Variants in MAGI1 observed in about 807,000 individuals in gnomAD.
MAGI1 encodes membrane-associated guanylate kinase, WW and PDZ domain-containing protein 1.
Under a neutral mutation model 139.9 loss-of-function variants are expected in MAGI1, and 58 were observed. The observed-to-expected ratio is 0.41, with a 90% confidence interval of 0.34 to 0.52. The LOEUF is 0.52. MAGI1 is among the 20% of genes least tolerant of loss of function. The pLI is 0.12. For missense variants in MAGI1, 1,874 were observed against 1,901.6 expected (o/e 0.99, Z 0.27); for synonymous variants, 812 against 737.9 (o/e 1.10, Z -1.63).
rs1952210839 is a variant in MAGI1 at position 65,493,555 on chromosome 3, G to A, written c.507C>T (p.Asp169=). The A allele has an allele frequency of 6.2e-7, 1 of 1,614,108 alleles. No individual in the cohort carries two copies. The highest frequency in any genetic ancestry group is 8.5e-7 in the Non-Finnish European group (1 of 1,180,028). ...CCAGAAGAGTCCCACTCTGCTCGAG[G>A]TCCAAGAACTCCTTCACAGTCAGAA... The part of the protein sequence containing the change: ...YNFLTVKEFL[D]LEQSGTLLEV... The change falls in exon 3 of 23, where the codon GAC becomes GAT. Residue 169 remains aspartate (D), a synonymous_variant. Coordinates refer to ENST00000402939, the MANE Select transcript of MAGI1 (RefSeq NM_001033057.2).
At chr3:65,748,705 C>T (rs1444402379) in intron 1 of MAGI1, among the ~76,000 whole-genome samples, 1 of 152,152 alleles carries the variant, frequency 6.6e-6, no homozygotes, top group East Asian at 1.9e-4. Context: ...CAGCTTGACA[C>T]ATGTAATAAG....
intron 1 of MAGI1, among the ~76,000 whole-genome samples, chr3:65,819,516 C>T (rs969868582): frequency 6.6e-6 from 1 of 151,980 alleles, no homozygotes; most frequent in African/African-American, 2.4e-5. Flanking sequence ...ACCAAGTTAA[C>T]TCATTTATTT....
At chr3:65,853,053 G>A (rs1366995201) in intron 1 of MAGI1, among the ~76,000 whole-genome samples, 6 of 152,116 alleles carry the variant, frequency 3.9e-5, no homozygotes, top group African/African-American at 1.2e-4. Flanking sequence ...GGAGGCTGAG[G>A]CAGGGAAATC....
intron 1 of MAGI1, among the ~76,000 whole-genome samples, chr3:65,984,681 A>G (rs979403439): frequency 2.1e-5 from 3 of 145,018 alleles, no homozygotes; most frequent in Admixed American, 7.2e-5. Flanking sequence ...GACCACAGGC[A>G]TGCACCACCA....
At chr3:65,701,367 T>C (rs763572811) in intron 1 of MAGI1, among the ~76,000 whole-genome samples, 29 of 152,112 alleles carry the variant, frequency 1.9e-4, no homozygotes, top group Non-Finnish European at 3.8e-4. Context: ...ATTCTCCTGT[T>C]TCAGCCTCCC....
At chr3:65,685,413 A>G (rs73832906) in intron 1 of MAGI1, among the ~76,000 whole-genome samples, 1,697 of 152,076 alleles carry the variant, frequency 0.011, 33 homozygotes, top group African/African-American at 0.038. Context: ...TTTTCCTCAA[A>G]TTTTAAACTT....
chr3:65,921,800 G>T (rs547475162), intron 1 of MAGI1, among the ~76,000 whole-genome samples: 2 of 151,988 alleles, frequency 1.3e-5, no homozygotes, highest in South Asian at 4.2e-4. Context: ...GAACACAGAA[G>T]AAAATCAGGA....
intron 10 of MAGI1, among the ~76,000 whole-genome samples, chr3:65,433,622 C>T (rs1947621660): frequency 6.6e-6 from 1 of 152,106 alleles, no homozygotes; most frequent in African/African-American, 2.4e-5. Flanking sequence ...TTACCAGTCA[C>T]CAGCGGTAAG....
At chr3:65,541,511 G>A (rs983801899) in intron 2 of MAGI1, among the ~76,000 whole-genome samples, 6 of 152,030 alleles carry the variant, frequency 3.9e-5, no homozygotes, top group Admixed American at 2.6e-4. Context: ...ACATTGATGC[G>A]AAATCCTCAA....
intron 18 of MAGI1, among the ~76,000 whole-genome samples, chr3:65,368,320 C>T (rs1200159525): frequency 6.6e-6 from 1 of 152,162 alleles, no homozygotes; most frequent in Non-Finnish European, 1.5e-5. Context: ...ACCCAACATC[C>T]TTTATTAAAC....
chr3:65,838,016 A>G (rs899551489), intron 1 of MAGI1, among the ~76,000 whole-genome samples: 5 of 152,244 alleles, frequency 3.3e-5, no homozygotes, highest in African/African-American at 1.2e-4. Context: ...ACATAACCGT[A>G]GTACAACTTC....
chr3:65,662,450 G>A (rs569365103), intron 1 of MAGI1, among the ~76,000 whole-genome samples: 15 of 152,356 alleles, frequency 9.8e-5, no homozygotes, highest in South Asian at 2.1e-4. Context: ...TGGACAATAT[G>A]CAACCAAATG....
intron 1 of MAGI1, among the ~76,000 whole-genome samples, chr3:65,988,121 T>A (rs918745950): frequency 6.6e-6 from 1 of 152,166 alleles, no homozygotes; most frequent in Non-Finnish European, 1.5e-5. Context: ...TATTTGGGGC[T>A]CAAGACATTC....
chr3:66,034,999 G>A (rs1260886157), intron 1 of MAGI1, among the ~76,000 whole-genome samples: 3 of 152,076 alleles, frequency 2.0e-5, no homozygotes, highest in Admixed American at 6.6e-5. Flanking sequence ...TGCATACATC[G>A]CTTAAAACTC....
intron 4 of MAGI1, among the ~76,000 whole-genome samples, chr3:65,476,478 C>G (rs1219086629): frequency 6.6e-6 from 1 of 152,126 alleles, no homozygotes; most frequent in African/African-American, 2.4e-5. Context: ...TTTATGAGGT[C>G]AGATTTTCTG....
At chr3:65,754,452 CTG>C (rs2036402272) in intron 1 of MAGI1, among the ~76,000 whole-genome samples, 1 of 152,192 alleles carries the variant, frequency 6.6e-6, no homozygotes, top group African/African-American at 2.4e-5. Flanking sequence ...CCCCAGATTT[CTG>C]TGTGTAATAT....
chr3:65,383,466 C>G, intron 15 of MAGI1, 66 bp downstream of exon 15: 1 of 1,182,400 alleles, frequency 8.5e-7, no homozygotes, highest in Non-Finnish European at 1.3e-6. Flanking sequence ...TGATTTGTCA[C>G]TGTCGCCAAT....
At chr3:65,798,370 C>T (rs532799069) in intron 1 of MAGI1, among the ~76,000 whole-genome samples, 3 of 152,118 alleles carry the variant, frequency 2.0e-5, no homozygotes, top group Non-Finnish European at 4.4e-5. Context: ...GACAACCCCT[C>T]GCCCATTCCA....
intron 2 of MAGI1, among the ~76,000 whole-genome samples, chr3:65,563,442 G>A (rs188150430): frequency 1.3e-5 from 2 of 152,232 alleles, no homozygotes; most frequent in Non-Finnish European, 2.9e-5. Context: ...AGAAATGATG[G>A]AATGTGATTC....
Sources: allele counts gnomAD v4.1 joint callset (sites outside exome capture counted in the v4.1 genomes callset), GRCh38; gene constraint gnomAD v4.1.1; transcripts MANE v1.5; gene names NCBI Gene and HGNC (gene_info 2026-07-23, HGNC 2026-07-21).